The following MBOAT4 variants were observed in gnomAD, a reference collection of about 807,000 sequenced individuals.
MBOAT4 encodes the protein membrane bound ghrelin O-acyltransferase MBOAT4, also known as membrane-bound ghrelin O-acyltransferase MBOAT4.
A neutral mutation model predicts 13.2 loss-of-function variants in MBOAT4; 11 were observed. The ratio of observed to expected loss-of-function variants is 0.84; its 90% CI spans 0.53 to 1.38. The LOEUF (loss-of-function observed/expected upper bound fraction) is 1.38. Ranked by LOEUF, MBOAT4 falls within the 40% of genes most tolerant of loss-of-function variation. MBOAT4 has a pLI of 0.00. For missense variants in MBOAT4, 481 were observed against 527.2 expected, an observed-to-expected ratio of 0.91 and a Z score of 0.86; for synonymous variants, 202 against 210.3, an observed-to-expected ratio of 0.96 and a Z score of 0.34.
chr8:30,144,635 GT>G lies in MBOAT4; in HGVS notation c.-35del, dbSNP rs1803319815. On this transcript the variant is annotated 5_prime_UTR_variant, in exon 1 of 3. Transcript: ENST00000320542. ...AGAACAAAAGAGCCTGTCTTTTCCA[GT>G]GTCCTTAACTGATGCCTTCCTCCAA... The G allele has an allele frequency of 7.1e-7, 1 of 1,407,444 alleles. No individual in the cohort carries two copies. The highest frequency in any genetic ancestry group is 2.1e-5 in the Admixed American group (1 of 48,588). The allele number at this position is 1,407,444 out of a possible 1,614,324, so 87.2% of individuals were successfully genotyped here. A position where few individuals can be genotyped will look rare whatever the true frequency, so the allele number is the denominator to read the frequency against.
intron 1 of MBOAT4, among the ~76,000 whole-genome samples, chr8:30,139,361 G>C (rs981826287): frequency 1.3e-5 from 2 of 151,926 alleles, no homozygotes; most frequent in African/African-American, 2.4e-5. Flanking sequence ...TGACCGTCCT[G>C]GAAGTCTGGC....
intron 2 of MBOAT4, among the ~76,000 whole-genome samples, chr8:30,134,717 T>G (rs1216162088): frequency 1.3e-5 from 2 of 151,938 alleles, no homozygotes; most frequent in Non-Finnish European, 2.9e-5. Flanking sequence ...CCAGCTAATT[T>G]TTGTATTTTT....
intron 2 of MBOAT4, chr8:30,138,233 C>G (rs764212364): frequency 5.6e-5 from 14 of 248,702 alleles, no homozygotes; most frequent in East Asian, 1.5e-4. Flanking sequence ...ACAGCCAGCT[C>G]TCTGTGAATT....
intron 2 of MBOAT4, among the ~76,000 whole-genome samples, chr8:30,135,913 G>GAA (rs36032566): frequency 0.089 from 11,493 of 128,598 alleles, 700 homozygotes; most frequent in Middle Eastern, 0.14. Context: ...GACCTTGTCT[G>GAA]AAAAAAAAAA....
rs146426033 is a variant in MBOAT4, at chr8:30,131,909, C to T, written c.*34G>A. 8 of 1,514,588 alleles carry T rather than the reference C, an allele frequency of 5.3e-6. No homozygotes were observed. The African/African-American group carries it at 6.9e-5, about 13-fold the overall frequency. The allele number at this position is 1,514,588 out of a possible 1,614,324, so 93.8% of individuals were successfully genotyped here. ...TCATCTGGCACTTTCTAAAATGTTT[C>T]CTGGGTGTTTAAGGTGAAAGCCAGG... On this transcript the variant is annotated 3_prime_UTR_variant, in exon 3 of 3. Transcript: ENST00000320542.
chr8:30,144,375 A>T, intron 1 of MBOAT4, 108 bp downstream of exon 1: 1 of 732,470 alleles, frequency 1.4e-6, no homozygotes, highest in Non-Finnish European at 2.2e-6. Flanking sequence ...GCCTCAAGTG[A>T]TCTGCCCGCC....
intron 2 of MBOAT4, chr8:30,137,495 C>T (rs1340214977): frequency 1.3e-6 from 2 of 1,550,732 alleles, no homozygotes; most frequent in Admixed American, 3.9e-5. Flanking sequence ...CCCTCTCAGG[C>T]ACAATGACAA....
chr8:30,134,657 C>A (rs1803100694), intron 2 of MBOAT4, among the ~76,000 whole-genome samples: 2 of 150,476 alleles, frequency 1.3e-5, no homozygotes, highest in South Asian at 4.2e-4. Context: ...AAGCGATTCT[C>A]CTGCTTCAGC....
chr8:30,138,455 C>G, intron 2 of MBOAT4, 77 bp downstream of exon 2: 2 of 1,204,194 alleles, frequency 1.7e-6, no homozygotes, highest in Non-Finnish European at 2.3e-6. Context: ...AACCCAACAC[C>G]CAGGTTCTCT....
chr8:30,138,977 CT>C (rs34238139), intron 1 of MBOAT4, among the ~76,000 whole-genome samples: 124,338 of 141,724 alleles, frequency 0.88, 54,932 homozygotes, highest in Middle Eastern at 0.96. Context: ...GGAGACAAAT[CT>C]TTTTTTTTTT....
chr8:30,137,278 C>A lies in MBOAT4; in HGVS notation c.344+1254G>T, dbSNP rs375112131. 4 of 1,551,036 alleles carry A rather than the reference C, an allele frequency of 2.6e-6. No homozygotes were observed. The African/African-American group carries it at 5.5e-5, about 21-fold the overall frequency. On this transcript the variant is annotated intron_variant, in intron 2 of 2. Coordinates refer to ENST00000320542, the MANE Select transcript of MBOAT4 (RefSeq NM_001100916.2). The stretch of plus-strand genomic sequence containing the variant: ...CTTGATTTCTGTTTTCTAGATGGGG[C>A]GCCTACCCTTCTTCAGCAAGATGGG...
At chr8:30,143,718 A>T (rs535846789) in intron 1 of MBOAT4, among the ~76,000 whole-genome samples, 1 of 152,358 alleles carries the variant, frequency 6.6e-6, no homozygotes, top group South Asian at 2.1e-4. Context: ...CTGAGAATTC[A>T]TATAAAGGCA....
intron 1 of MBOAT4, among the ~76,000 whole-genome samples, chr8:30,139,583 T>G (rs1486597358): frequency 6.6e-6 from 1 of 152,194 alleles, no homozygotes; most frequent in Non-Finnish European, 1.5e-5. Context: ...AGAAAAATCT[T>G]TATATCCACC....
At chr8:30,142,522 A>AT (rs1206213787) in intron 1 of MBOAT4, among the ~76,000 whole-genome samples, 2 of 151,950 alleles carry the variant, frequency 1.3e-5, no homozygotes, top group African/African-American at 2.4e-5. Context: ...CACTTGGCTA[A>AT]TTTTTTGTAC....
chr8:30,142,768 A>T (rs1011774942), intron 1 of MBOAT4, among the ~76,000 whole-genome samples: 3 of 152,214 alleles, frequency 2.0e-5, no homozygotes, highest in African/African-American at 7.2e-5. Flanking sequence ...ACTTCTTTAC[A>T]GCTGTCCCCC....
At chr8:30,135,908 T>G (rs1003368947) in intron 2 of MBOAT4, among the ~76,000 whole-genome samples, 1 of 91,234 alleles carries the variant, frequency 1.1e-5, no homozygotes, top group African/African-American at 4.1e-5. Context: ...AGTGAGACCT[T>G]GTCTGAAAAA....
chr8:30,137,716 G>T (rs1461262602), intron 2 of MBOAT4: 16 of 569,624 alleles, frequency 2.8e-5, no homozygotes, highest in African/African-American at 7.5e-5. Context: ...GAGGAACTTA[G>T]TTAATAGCTT....
chr8:30,132,951 TTC>T (rs148689669), intron 2 of MBOAT4, 45 bp from the exon 3 acceptor site: 40,650 of 1,466,166 alleles, frequency 0.028, 736 homozygotes, highest in Non-Finnish European at 0.031. Flanking sequence ...TCTGTATTTA[TTC>T]TCTCTCTCTT....
chr8:30,138,591 G>T lies in MBOAT4; in HGVS notation c.285C>A (p.Thr95=). The change falls in exon 2 of 3, where the codon ACC becomes ACA. Residue 95 remains threonine, a synonymous_variant. Transcript: ENST00000320542. ...WTFCFQMSWQ[T]LCHLGLHYTE... Reference sequence around the variant, plus strand: ...TGTAGTGCAGACCTAGGTGACACAAGGTCTGCCAGCTCATCTGAAAGCAGA... The same window carrying T: ...TGTAGTGCAGACCTAGGTGACACAATGTCTGCCAGCTCATCTGAAAGCAGA... The T allele has an allele frequency of 6.4e-7, 1 of 1,551,632 alleles. No homozygotes were observed. Among genetic ancestry groups the T allele is most frequent in the Non-Finnish European group, 8.7e-7 (1 of 1,146,986 alleles).
Sources: gnomAD v4.1 joint callset for allele counts (sites outside exome capture counted in the v4.1 genomes callset) on GRCh38, gnomAD v4.1.1 for gene constraint, MANE v1.5 for transcripts, NCBI Gene and HGNC (gene_info 2026-07-23, HGNC 2026-07-21) for gene names.